The following ASCC3 variants were observed in gnomAD, a reference collection of about 807,000 sequenced individuals.
ASCC3 encodes the protein ASC-1 complex subunit P200.
In ASCC3, 158 loss-of-function variants were observed where a neutral mutation model predicts 256.3. The observed-to-expected ratio is 0.62, with a 90% CI of 0.54 to 0.70. ASCC3 has a LOEUF of 0.70. Ranked by LOEUF, ASCC3 falls within the 30% of genes least tolerant of loss-of-function variation. The pLI is 0.00. For missense variants in ASCC3, 2,259 were observed against 2,626.0 expected, an observed-to-expected ratio of 0.86 and a Z score of 3.05; for synonymous variants, 948 against 883.4, an observed-to-expected ratio of 1.07 and a Z score of -1.30.
intron 37 of ASCC3, among the ~76,000 whole-genome samples, chr6:100,539,553 T>C (rs1012986609): frequency 6.6e-6 from 1 of 152,174 alleles, no homozygotes; most frequent in Non-Finnish European, 1.5e-5. Context: ...TTTTTTACAA[T>C]AAGCCTCTTT....
At position 100,518,032 on chromosome 6, in the gene ASCC3, AAGAAG is replaced by A; in HGVS notation, c.5881_5885del (p.Leu1961TyrfsTer26). The A allele has an allele frequency of 6.2e-7, 1 of 1,613,592 alleles. No individual in the cohort carries two copies. The highest frequency in any genetic ancestry group is 8.5e-7 in the Non-Finnish European group (1 of 1,179,584). On this transcript the variant is annotated frameshift_variant, in exon 38 of 42. Coordinates refer to ENST00000369162, the MANE Select transcript of ASCC3 (RefSeq NM_006828.4). LOFTEE classifies it high-confidence loss of function. ...GATGGTTTTCTATGTTTGGTAGTGT[AAGAAG>A]AGAAGAGTCCTTTAACCACCGACCC...
chr6:100,835,813 T>C (rs914448342), intron 4 of ASCC3, among the ~76,000 whole-genome samples: 1 of 152,128 alleles, frequency 6.6e-6, no homozygotes, highest in African/African-American at 2.4e-5. Flanking sequence ...TTGACAGGGA[T>C]TGAACTGCCT....
chr6:100,695,426 G>C (rs1439627580), intron 13 of ASCC3, among the ~76,000 whole-genome samples: 1 of 152,090 alleles, frequency 6.6e-6, no homozygotes, highest in Non-Finnish European at 1.5e-5. Context: ...CAGACACCTT[G>C]GGTCTTGTTG....
intron 34 of ASCC3, among the ~76,000 whole-genome samples, chr6:100,598,646 C>A (rs1772437938): frequency 6.6e-6 from 1 of 152,074 alleles, no homozygotes. Context: ...TACCCAGCTC[C>A]CTGTGTGTGG....
Position 100,662,418 on chromosome 6 carries a change from T to A in ASCC3, c.2405A>T (p.His802Leu). ...NLVENLFSNG[H>L]IKVLVCTATL... ...AGCTGTACACACTAGGACTTTGATA[T>A]GCCCATTAGAAAACAAGTTTTCAAC... is the stretch of plus-strand genomic sequence containing the variant. Residue 802 changes from histidine (H) to leucine (L), a missense_variant, in exon 15 of 42, where the codon CAT becomes CTT. His to Leu is a moderately conservative substitution (Grantham distance 99, BLOSUM62 -3). Around this residue, in one of 2 missense-constraint regions of ASCC3, gnomAD observed 1,839 missense variants for 2,206.7 expected, o/e 0.83. Coordinates refer to ENST00000369162, the MANE Select transcript of ASCC3 (RefSeq NM_006828.4). 6.2e-7 allele frequency: 1 copy of A among 1,613,406 alleles called. No homozygotes were observed.
chr6:100,779,783 A>T (rs376550456), intron 8 of ASCC3, among the ~76,000 whole-genome samples: 2 of 152,156 alleles, frequency 1.3e-5, no homozygotes, highest in Admixed American at 6.5e-5. Context: ...TTATCTGACC[A>T]GTTTGTTTCC....
intron 25 of ASCC3, among the ~76,000 whole-genome samples, chr6:100,631,922 C>T (rs1447075090): frequency 1.3e-5 from 2 of 151,574 alleles, no homozygotes; most frequent in African/African-American, 4.8e-5. Context: ...GGAAGAAAAG[C>T]CACTAATTAG....
chr6:100,785,379 T>C (rs550867098), intron 8 of ASCC3, among the ~76,000 whole-genome samples: 39 of 152,252 alleles, frequency 2.6e-4, no homozygotes, highest in African/African-American at 6.7e-4. Flanking sequence ...CTGAATGCAT[T>C]TACACCATCC....
At chr6:100,765,117 A>G (rs1781591719) in intron 10 of ASCC3, among the ~76,000 whole-genome samples, 1 of 152,138 alleles carries the variant, frequency 6.6e-6, no homozygotes, top group Non-Finnish European at 1.5e-5. Context: ...TAGAACAGAT[A>G]CTGTCTCAAA....
At chr6:100,608,436 CTTTATATATATTTTATATATATATA>C (rs1238495174) in intron 30 of ASCC3, among the ~76,000 whole-genome samples, 744 of 41,930 alleles carry the variant, frequency 0.018, 214 homozygotes, top group African/African-American at 0.041. Context: ...TATATATATA[CTTTATATATATTTTATATATATATA>C]CTTTATATAT....
intron 36 of ASCC3, among the ~76,000 whole-genome samples, chr6:100,554,095 A>G (rs1769442805): frequency 6.6e-6 from 1 of 152,156 alleles, no homozygotes; most frequent in Non-Finnish European, 1.5e-5. Context: ...TGTAAATCTT[A>G]CATGTACTGT....
intron 4 of ASCC3, among the ~76,000 whole-genome samples, chr6:100,844,407 A>G (rs1397863661): frequency 6.6e-6 from 1 of 151,828 alleles, no homozygotes; most frequent in East Asian, 1.9e-4. Context: ...TAATACTACT[A>G]CTTTCTAGGG....
In ASCC3 at chr6:100,714,660, T is replaced by G. The variant is rs540096040; in HGVS notation, c.2151+802A>C. Among the ~76,000 whole-genome samples, 3 of 121,954 alleles carry G rather than the reference T, an allele frequency of 2.5e-5. No individual in the cohort carries two copies. In the East Asian group the frequency reaches 8.3e-4, roughly 34 times the overall value. 80.0% of individuals were successfully genotyped at this position (121,954 alleles called of 152,430 possible). A position where few individuals can be genotyped will look rare whatever the true frequency, so the allele number is the denominator to read the frequency against. ...GGTTAGCAACTATTATTCTTGCTAGTATACAACTTAAAATACTTGTGATTT... is the reference window on the plus strand; with the variant it reads ...GGTTAGCAACTATTATTCTTGCTAGGATACAACTTAAAATACTTGTGATTT... On this transcript the variant is annotated intron_variant, in intron 13 of 41. Transcript: ENST00000369162.
intron 13 of ASCC3, among the ~76,000 whole-genome samples, chr6:100,699,862 G>A (rs117343836): frequency 0.015 from 2,342 of 152,278 alleles, 24 homozygotes; most frequent in East Asian, 0.045. Context: ...ATGATTCAGG[G>A]TATCTGCTGG....
intron 34 of ASCC3, among the ~76,000 whole-genome samples, chr6:100,596,857 C>T (rs1772328605): frequency 6.6e-6 from 1 of 152,152 alleles, no homozygotes; most frequent in Non-Finnish European, 1.5e-5. Flanking sequence ...TCAAAATCCT[C>T]ACCATAGTTT....
chr6:100,567,838 A>C (rs1020527947), intron 36 of ASCC3, among the ~76,000 whole-genome samples: 1 of 152,120 alleles, frequency 6.6e-6, no homozygotes, highest in Admixed American at 6.6e-5. Flanking sequence ...TGCTACTGTG[A>C]GTAATGCTGA....
chr6:100,687,864 C>A (rs1365334696), intron 13 of ASCC3, among the ~76,000 whole-genome samples: 1 of 151,816 alleles, frequency 6.6e-6, no homozygotes, highest in Non-Finnish European at 1.5e-5. Context: ...GAGAAGAGAG[C>A]AAATTCATAT....
At chr6:100,725,454 A>C in intron 11 of ASCC3, 85 bp downstream of exon 11, 1 of 1,367,152 alleles carries the variant, frequency 7.3e-7, no homozygotes, top group South Asian at 1.2e-5. Context: ...GCTTTGTAAC[A>C]CAGGTCTACA....
chr6:100,733,643 A>G (rs368039352), intron 10 of ASCC3, among the ~76,000 whole-genome samples: 13 of 152,296 alleles, frequency 8.5e-5, no homozygotes, highest in Middle Eastern at 3.4e-3. Context: ...CTGTTACAGC[A>G]ACAATAAACG....
Sources: allele counts gnomAD v4.1 joint callset (sites outside exome capture counted in the v4.1 genomes callset), GRCh38; gene constraint gnomAD v4.1.1; regional missense constraint gnomAD v4.1.1; transcripts MANE v1.5; gene names NCBI Gene and HGNC (gene_info 2026-07-23, HGNC 2026-07-21).